UBR1: variants seen among roughly 807,000 people sequenced by gnomAD.
UBR1 encodes ubiquitin protein ligase E3 component n-recognin 1, also known as E3 ubiquitin-protein ligase UBR1.
In UBR1, 102 loss-of-function variants were observed where a neutral mutation model predicts 242.1. That is an observed-to-expected ratio of 0.42 (90% confidence interval 0.36 to 0.50). The LOEUF is 0.50. UBR1 is among the 20% of genes least tolerant of loss of function. UBR1 has a pLI of 0.01. For missense variants in UBR1, 1,772 were observed against 2,101.8 expected (o/e 0.84, Z 3.07); for synonymous variants, 675 against 684.8 (o/e 0.99, Z 0.22).
At chr15:42,986,814 C>T (rs549497445) in intron 35 of UBR1, among the ~76,000 whole-genome samples, 11 of 152,314 alleles carry the variant, frequency 7.2e-5, no homozygotes, top group South Asian at 2.1e-4. Context: ...GGCCACGCCA[C>T]GGCAGTACCC....
chr15:42,952,005 T>A (rs1003561242), intron 45 of UBR1, among the ~76,000 whole-genome samples: 1 of 152,218 alleles, frequency 6.6e-6, no homozygotes, highest in Non-Finnish European at 1.5e-5. Flanking sequence ...GGACTTGAAG[T>A]TCTTTCATTA....
intron 6 of UBR1, among the ~76,000 whole-genome samples, chr15:43,062,495 G>A (rs1490835547): frequency 1.3e-5 from 2 of 152,124 alleles, no homozygotes; most frequent in Non-Finnish European, 2.9e-5. Flanking sequence ...TTGCAAGATG[G>A]AAAAGTTCTA....
rs757512693 is a variant in UBR1, at chr15:43,070,803, G to A, written c.651C>T (p.Leu217=). The part of the protein sequence containing the change: ...WEEEKELPPE[L]QIREKNERYY... ...TTGACAGTTTTCCCCACCTTATCTG[G>A]AGTTCAGGAGGCAGTTCTTTTTCCT... The change falls in exon 5 of 47, where the codon CTC becomes CTT. Residue 217 remains leucine, a synonymous_variant. Transcript: ENST00000290650. 2 of 1,613,308 alleles carry A rather than the reference G, an allele frequency of 1.2e-6. No homozygotes were observed. Among genetic ancestry groups the A allele is most frequent in the African/African-American group, 1.3e-5 (1 of 75,012 alleles).
At chr15:42,984,054 C>A in intron 36 of UBR1, 61 bp from the exon 37 acceptor site, 1 of 1,364,578 alleles carries the variant, frequency 7.3e-7, no homozygotes. Context: ...CTAAGTCATC[C>A]ACTTAAGAGT....
Position 42,976,704 on chromosome 15 carries a change from A to G in UBR1, c.4369+13T>C. ...AATGTTATTCACAGTCAACACCCAG[A>G]TGAAAACCTTACCTGTGTCTACTGT... is the stretch of plus-strand genomic sequence containing the variant. On this transcript the variant is annotated intron_variant, in intron 39 of 46. Transcript: ENST00000290650. 6.2e-7 allele frequency: 1 copy of G among 1,614,064 alleles called. No homozygotes were observed. The highest frequency in any genetic ancestry group is 1.1e-5 in the South Asian group (1 of 91,078).
chr15:43,034,275 A>G (rs910874714), intron 19 of UBR1, among the ~76,000 whole-genome samples: 2 of 120,602 alleles, frequency 1.7e-5, no homozygotes, highest in East Asian at 3.5e-4. Flanking sequence ...TAAATAAATA[A>G]ATAAATAGAT....
intron 1 of UBR1, among the ~76,000 whole-genome samples, chr15:43,097,391 G>A (rs1010033547): frequency 2.6e-5 from 4 of 152,188 alleles, no homozygotes; most frequent in Admixed American, 2.6e-4. Context: ...ATGGTAAATG[G>A]AAATTGGCTT....
At chr15:43,024,725 C>T (rs1456132852) in intron 25 of UBR1, 104 bp downstream of exon 25, 12 of 1,512,634 alleles carry the variant, frequency 7.9e-6, no homozygotes, top group South Asian at 6.8e-5. Flanking sequence ...CCTATGTTTC[C>T]GGTGCTCTAG....
chr15:43,024,729 G>A, intron 25 of UBR1, 100 bp downstream of exon 25: 1 of 1,527,932 alleles, frequency 6.5e-7, no homozygotes, highest in Non-Finnish European at 9.1e-7. Context: ...TGTTTCCGGT[G>A]CTCTAGATGT....
At chr15:42,969,128 C>T (rs992721589) in intron 40 of UBR1, among the ~76,000 whole-genome samples, 5 of 152,164 alleles carry the variant, frequency 3.3e-5, no homozygotes, top group Admixed American at 6.5e-5. Context: ...ATTTACACTC[C>T]CACCAACAGT....
intron 27 of UBR1, 34 bp downstream of exon 27, chr15:43,021,241 A>G (rs768066699): frequency 9.5e-6 from 15 of 1,581,514 alleles, no homozygotes; most frequent in African/African-American, 6.7e-5. Flanking sequence ...AAATATTTAA[A>G]CCAAGATATG....
intron 12 of UBR1, among the ~76,000 whole-genome samples, chr15:43,048,965 T>A (rs1434777178): frequency 6.6e-6 from 1 of 152,226 alleles, no homozygotes; most frequent in Non-Finnish European, 1.5e-5. Context: ...CATCAGGATG[T>A]ACTAGTTTCA....
chr15:43,074,899 C>A (rs368300090), intron 4 of UBR1, 80 bp downstream of exon 4: 20 of 1,183,642 alleles, frequency 1.7e-5, no homozygotes, highest in Non-Finnish European at 2.0e-5. Context: ...TAACTGGAAT[C>A]TATACACATA....
intron 41 of UBR1, 36 bp downstream of exon 41, chr15:42,966,117 C>T (rs527977065): frequency 1.2e-6 from 2 of 1,613,906 alleles, no homozygotes; most frequent in Admixed American, 3.3e-5. Flanking sequence ...AGAAAATCTC[C>T]CATTTTCCAC....
intron 34 of UBR1, 36 bp downstream of exon 34, chr15:42,989,994 C>T (rs1282540988): frequency 6.8e-7 from 1 of 1,469,702 alleles, no homozygotes; most frequent in East Asian, 2.3e-5. Context: ...TTTTCACAAT[C>T]ATTTACAAAG....
intron 3 of UBR1, among the ~76,000 whole-genome samples, chr15:43,081,187 G>A (rs1452917105): frequency 1.3e-5 from 2 of 152,154 alleles, no homozygotes; most frequent in Admixed American, 1.3e-4. Context: ...AGGAGGCTGA[G>A]GCGGGTGGAT....
At chr15:42,970,091 C>G (rs1466627680) in intron 40 of UBR1, among the ~76,000 whole-genome samples, 1 of 152,168 alleles carries the variant, frequency 6.6e-6, no homozygotes, top group Non-Finnish European at 1.5e-5. Flanking sequence ...TGACTTCAGA[C>G]TATACTACAA....
rs534257947 is a variant in UBR1, at chr15:42,947,948, T to G, written c.5108+2314A>C. On this transcript the variant is annotated intron_variant, in intron 46 of 46. Coordinates refer to ENST00000290650, the MANE Select transcript of UBR1 (RefSeq NM_174916.3). ...GGAAAAAACTACTTTAAAGTTCATA[T>G]GGAACCAAAAAAGAGCCTGCATTGC... Among the ~76,000 whole-genome samples the G allele has an allele frequency of 1.2e-4, 19 of 152,186 alleles. No individual in the cohort carries two copies. In the South Asian group the frequency reaches 3.9e-3, roughly 32 times the overall value.
chr15:43,019,090 C>T (rs984233013), intron 27 of UBR1, among the ~76,000 whole-genome samples: 4 of 151,558 alleles, frequency 2.6e-5, no homozygotes, highest in Non-Finnish European at 5.9e-5. Context: ...GAGACGGAGT[C>T]TCGCTTTGTC....
Sources: gnomAD v4.1 joint callset for allele counts (sites outside exome capture counted in the v4.1 genomes callset) on GRCh38, gnomAD v4.1.1 for gene constraint, MANE v1.5 for transcripts, NCBI Gene and HGNC (gene_info 2026-07-23, HGNC 2026-07-21) for gene names.